The following ZNF610 variants were observed in gnomAD, a reference collection of about 807,000 sequenced individuals.
The protein encoded by ZNF610 is zink finger protein.
Under a neutral mutation model 14.1 loss-of-function variants are expected in ZNF610, and 14 were observed. The ratio of observed to expected loss-of-function variants is 0.99; its 90% CI spans 0.65 to 1.55. The LOEUF is 1.55. Ranked by LOEUF, ZNF610 falls within the 40% of genes most tolerant of loss-of-function variation. ZNF610 has a pLI of 0.00. For missense variants in ZNF610, 530 were observed against 558.0 expected (o/e 0.95, Z 0.51); for synonymous variants, 185 against 187.6 (o/e 0.99, Z 0.11).
At chr19:52,332,079 C>T (rs1358964788), upstream of ZNF610, among the ~76,000 whole-genome samples, 1 of 152,204 alleles carries the variant, frequency 6.6e-6, no homozygotes, top group African/African-American at 2.4e-5. The surrounding 1 kb of genome is among the most constrained non-coding windows in gnomAD (Gnocchi z 4.1). Context: ...CGGGACGAGT[C>T]TGCCGGCAGC....
chr19:52,355,083 G>T (rs1029928849), intron 5 of ZNF610, among the ~76,000 whole-genome samples: 3 of 152,154 alleles, frequency 2.0e-5, no homozygotes, highest in African/African-American at 7.2e-5. Flanking sequence ...TCTTTATCCT[G>T]ATGGACAGCA....
At chr19:52,343,189 C>T (rs1359227179) in intron 1 of ZNF610, among the ~76,000 whole-genome samples, 1 of 152,186 alleles carries the variant, frequency 6.6e-6, no homozygotes, top group African/African-American at 2.4e-5. Context: ...TTAAGTAAAC[C>T]TGTCAAATGT....
At chr19:52,338,017 G>A (rs1026997657) in intron 1 of ZNF610, among the ~76,000 whole-genome samples, 4 of 152,140 alleles carry the variant, frequency 2.6e-5, no homozygotes, top group Admixed American at 6.5e-5. Context: ...AAAATGTGTT[G>A]GGGATTACTT....
intron 4 of ZNF610, among the ~76,000 whole-genome samples, chr19:52,354,019 G>A (rs1422532509): frequency 1.3e-5 from 2 of 152,140 alleles, no homozygotes; most frequent in East Asian, 1.9e-4. Context: ...GGGTGGCACC[G>A]GATAACCAGT....
intron 5 of ZNF610, among the ~76,000 whole-genome samples, chr19:52,358,915 G>A (rs958557623): frequency 3.3e-5 from 5 of 152,144 alleles, no homozygotes; most frequent in Admixed American, 1.3e-4. Flanking sequence ...GTCCTCTCTC[G>A]TTACATGGTC....
Position 52,354,769 on chromosome 19 carries a change from G to A in ZNF610, c.319+390G>A, listed in dbSNP as rs183956541. Among the ~76,000 whole-genome samples the A allele has an allele frequency of 2.9e-4, 44 of 151,756 alleles. No homozygotes were observed. The East Asian group carries it at 7.8e-3, about 27-fold the overall frequency. ...AATTTTTGTGTTTTTAGTAGAGACG[G>A]AATTTCACCATGTTGGACAGGTGGG... On this transcript the variant is annotated intron_variant, in intron 5 of 5. Coordinates refer to ENST00000403906, the MANE Select transcript of ZNF610 (RefSeq NM_001161425.2).
chr19:52,352,417 T>C (rs1279942658), intron 3 of ZNF610, among the ~76,000 whole-genome samples: 1 of 152,090 alleles, frequency 6.6e-6, no homozygotes, highest in Non-Finnish European at 1.5e-5. Context: ...TTTGTATTTT[T>C]AGTAGAGACG....
intron 3 of ZNF610, among the ~76,000 whole-genome samples, chr19:52,351,312 C>T (rs1985238048): frequency 6.6e-6 from 1 of 151,904 alleles, no homozygotes; most frequent in African/African-American, 2.4e-5. Flanking sequence ...CAAAATTAGC[C>T]TGGTGTGGTG....
At chr19:52,341,502 G>A (rs1001164667) in intron 1 of ZNF610, among the ~76,000 whole-genome samples, 11 of 152,112 alleles carry the variant, frequency 7.2e-5, no homozygotes, top group Admixed American at 6.5e-5. Context: ...TAGAGACGGG[G>A]TTTCACCATG....
chr19:52,338,920 C>A (rs562841030), intron 1 of ZNF610, among the ~76,000 whole-genome samples: 1 of 151,220 alleles, frequency 6.6e-6, no homozygotes, highest in African/African-American at 2.4e-5. Flanking sequence ...ATACGGAGGA[C>A]CCGCGCCGGC....
intron 2 of ZNF610, among the ~76,000 whole-genome samples, chr19:52,348,772 G>A (rs542674045): frequency 6.6e-6 from 1 of 152,252 alleles, no homozygotes; most frequent in East Asian, 1.9e-4. Flanking sequence ...CTCTGGCGCT[G>A]AGCACCAACG....
intron 1 of ZNF610, among the ~76,000 whole-genome samples, chr19:52,340,244 C>A (rs111661797): frequency 2.0e-5 from 3 of 151,994 alleles, no homozygotes; most frequent in Admixed American, 2.0e-4. Flanking sequence ...ATTAGCTGGG[C>A]GTAGTGGCTT....
intron 1 of ZNF610, 28 bp downstream of exon 1, chr19:52,336,534 C>G (rs1984388415): frequency 6.4e-6 from 1 of 156,700 alleles, no homozygotes; most frequent in African/African-American, 2.4e-5. Context: ...AGACTCCTTT[C>G]CGCTTAAAAC....
Position 52,366,275 on chromosome 19 carries a change from G to A in ZNF610, c.897G>A (p.Glu299=). 1 of 1,613,272 alleles carries A rather than the reference G, an allele frequency of 6.2e-7. No individual in the cohort carries two copies. Among genetic ancestry groups the A allele is most frequent in the South Asian group, 1.1e-5 (1 of 90,994 alleles). Residue 299 remains glutamate (E), a synonymous_variant, in exon 6 of 6, where the codon GAG becomes GAA. Transcript: ENST00000403906. ...ACGAATGTGGCAAAGCTTTTAGAGA[G>A]TGTTCGGGACTTACTACCCATCTTG... The part of the protein sequence containing the change: ...KCNECGKAFR[E]CSGLTTHLVI...
At chr19:52,363,052 C>T (rs1985855813) in intron 5 of ZNF610, among the ~76,000 whole-genome samples, 1 of 151,560 alleles carries the variant, frequency 6.6e-6, no homozygotes, top group Admixed American at 6.6e-5. Flanking sequence ...AAAGAAGAAG[C>T]TCCCCTGTAC....
chr19:52,361,627 ATT>A (rs201099640), intron 5 of ZNF610, among the ~76,000 whole-genome samples: 26,836 of 150,422 alleles, frequency 0.18, 2,618 homozygotes, highest in East Asian at 0.25. Context: ...TAATTTAAAA[ATT>A]TTTTTTTTCA....
intron 4 of ZNF610, among the ~76,000 whole-genome samples, 157 bp from the exon 5 acceptor site, chr19:52,354,094 T>C (rs984956053): frequency 2.0e-5 from 3 of 152,194 alleles, no homozygotes; most frequent in Non-Finnish European, 4.4e-5. Flanking sequence ...TGTCTACATA[T>C]TGCATATTCC....
chr19:52,345,937 C>T (rs1474876690), intron 1 of ZNF610, among the ~76,000 whole-genome samples: 2 of 150,484 alleles, frequency 1.3e-5, no homozygotes, highest in African/African-American at 2.5e-5. Context: ...ATCTCCTGAC[C>T]TCGTGATCCA....
upstream of ZNF610, among the ~76,000 whole-genome samples, chr19:52,333,404 TAA>T (rs1357431813): frequency 2.0e-5 from 3 of 152,142 alleles, no homozygotes; most frequent in African/African-American, 7.2e-5. Context: ...AGGCAAAGCC[TAA>T]GAAAGTACAA....
Sources: gnomAD v4.1 joint callset for allele counts (sites outside exome capture counted in the v4.1 genomes callset) on GRCh38, gnomAD v4.1.1 for gene constraint, Gnocchi (gnomAD v3.1) non-coding constraint, MANE v1.5 for transcripts, NCBI Gene and HGNC (gene_info 2026-07-23, HGNC 2026-07-21) for gene names.